The following SHCBP1L variants were observed in gnomAD, a reference collection of about 807,000 sequenced individuals.
SHCBP1L encodes testicular spindle-associated protein SHCBP1L.
A neutral mutation model predicts 62.5 loss-of-function variants in SHCBP1L; 67 were observed. The ratio of observed to expected loss-of-function variants is 1.07; its 90% CI spans 0.88 to 1.31. The LOEUF is 1.31. SHCBP1L is among the 40% of genes most tolerant of loss of function. SHCBP1L has a pLI of 0.00. For synonymous variants in SHCBP1L, 284 were observed against 289.4 expected (o/e 0.98, Z 0.19); for missense variants, 823 against 809.8 (o/e 1.02, Z -0.20).
intron 5 of SHCBP1L, among the ~76,000 whole-genome samples, chr1:182,936,618 A>G (rs1288947548): frequency 1.3e-5 from 2 of 152,252 alleles, no homozygotes; most frequent in Non-Finnish European, 2.9e-5. Flanking sequence ...CAGATACCAT[A>G]TAACAGAGTA....
intron 7 of SHCBP1L, among the ~76,000 whole-genome samples, chr1:182,904,710 C>G (rs1489598574): frequency 6.6e-6 from 1 of 152,050 alleles, no homozygotes; most frequent in Non-Finnish European, 1.5e-5. Context: ...TGCCCAGCTT[C>G]ACATATTTTT....
At chr1:182,913,077 G>C (rs545459640) in intron 6 of SHCBP1L, among the ~76,000 whole-genome samples, 26 of 151,920 alleles carry the variant, frequency 1.7e-4, no homozygotes, top group African/African-American at 6.0e-4. Context: ...GGAGGTTACA[G>C]TGAGCCGAGA....
intron 6 of SHCBP1L, among the ~76,000 whole-genome samples, chr1:182,908,093 A>G (rs1350800779): frequency 6.6e-6 from 1 of 152,138 alleles, no homozygotes; most frequent in Non-Finnish European, 1.5e-5. Context: ...TTTTGTCATT[A>G]TATCACCTTC....
At chr1:182,948,160 G>T (rs951883932) in intron 2 of SHCBP1L, among the ~76,000 whole-genome samples, 1 of 152,126 alleles carries the variant, frequency 6.6e-6, no homozygotes. Context: ...ACGGATTTTT[G>T]ACTGTGCAGG....
intron 6 of SHCBP1L, 53 bp downstream of exon 6, chr1:182,929,594 C>G: frequency 8.1e-7 from 1 of 1,231,738 alleles, no homozygotes; most frequent in Non-Finnish European, 1.1e-6. Flanking sequence ...GCTTCTTTTC[C>G]GATTATACAC....
rs532631467 is a variant in SHCBP1L at position 182,932,988 on chromosome 1, C to A, written c.1077-3236G>T. The stretch of plus-strand genomic sequence containing the variant: ...TGGTGCGATCTCAGCTCACTGCAAC[C>A]TCTGCCTCCCAGGTTCGAGCAATTC... On this transcript the variant is annotated intron_variant, in intron 5 of 9. Coordinates refer to ENST00000367547, the MANE Select transcript of SHCBP1L (RefSeq NM_030933.4). 8.3e-4 allele frequency among the ~76,000 whole-genome samples: 127 copies of A among 152,228 alleles called. 2 individuals carry two copies. Among genetic ancestry groups the A allele is most frequent in the African/African-American group, 2.9e-3 (120 of 41,538 alleles).
chr1:182,953,091 G>A lies in SHCBP1L; in HGVS notation c.43C>T (p.Arg15Cys), dbSNP rs375295609. 3.8e-6 allele frequency: 6 copies of A among 1,568,802 alleles called. No individual in the cohort carries two copies. The African/African-American group carries it at 8.1e-5, about 21-fold the overall frequency. The change falls in exon 1 of 10, where the codon CGC (arginine) becomes TGC (cysteine). Residue 15 changes from arginine (R) to cysteine (C), a missense_variant. Transcript: ENST00000367547. Reference protein sequence around the residue: ...SKASVPADSFRTISPDRRGEK... With the variant: ...SKASVPADSFCTISPDRRGEK... ...CCTCGCCTGTCCGGGCTGATGGTGC[G>A]GAATGAGTCCGCGGGCACCGAGGCC...
At chr1:182,915,161 C>CA (rs371432299) in intron 6 of SHCBP1L, among the ~76,000 whole-genome samples, 1,501 of 31,808 alleles carry the variant, frequency 0.047, 454 homozygotes, top group Non-Finnish European at 0.075. Context: ...GACTCTGTCT[C>CA]AAAAAAAAAA....
intron 6 of SHCBP1L, among the ~76,000 whole-genome samples, chr1:182,917,368 C>T (rs1344672382): frequency 6.6e-6 from 1 of 152,082 alleles, no homozygotes; most frequent in Non-Finnish European, 1.5e-5. Flanking sequence ...AAATAAATTA[C>T]ACAATAATCT....
intron 2 of SHCBP1L, among the ~76,000 whole-genome samples, chr1:182,944,115 C>A (rs1054930455): frequency 2.4e-5 from 1 of 41,254 alleles, no homozygotes; most frequent in Non-Finnish European, 3.7e-5. Flanking sequence ...AGCAAGACTA[C>A]TTCTCAAAAT....
chr1:182,946,882 A>G (rs1040705570), intron 2 of SHCBP1L, among the ~76,000 whole-genome samples: 13 of 152,210 alleles, frequency 8.5e-5, no homozygotes, highest in Admixed American at 3.3e-4. Context: ...GCTGTTTTAC[A>G]CGTTGATGTT....
intron 5 of SHCBP1L, among the ~76,000 whole-genome samples, chr1:182,930,653 ATGTGTGTGTGTGTGTGTG>A (rs1182783771): frequency 0.035 from 869 of 24,710 alleles, 40 homozygotes; most frequent in Middle Eastern, 0.2. Flanking sequence ...CCTGGAGTAT[ATGTGTGTGTGTGTGTGTG>A]TGTGTGTGTG....
At chr1:182,924,772 GAAA>G (rs1650648057) in intron 6 of SHCBP1L, among the ~76,000 whole-genome samples, 4 of 92,966 alleles carry the variant, frequency 4.3e-5, no homozygotes, top group South Asian at 8.7e-4. Context: ...AAGAAAGAAA[GAAA>G]GAAAGAAAGA....
chr1:182,929,177 G>A (rs994449388), intron 6 of SHCBP1L, among the ~76,000 whole-genome samples: 10 of 152,138 alleles, frequency 6.6e-5, no homozygotes, highest in Non-Finnish European at 4.4e-5. Flanking sequence ...GGATTCAGCT[G>A]AGTTATTTCT....
In SHCBP1L at chr1:182,912,397, A is replaced by G. The variant is rs1322900418; in HGVS notation, c.1183-6748T>C. On this transcript the variant is annotated intron_variant, in intron 6 of 9. Transcript: ENST00000367547. Reference sequence around the variant, plus strand: ...AAACCCAAGAGGACTAGGTTCAGAGAGCCTTCAGAAAGCTGACCTCATAAC... The same window carrying G: ...AAACCCAAGAGGACTAGGTTCAGAGGGCCTTCAGAAAGCTGACCTCATAAC... Among the ~76,000 whole-genome samples the G allele has an allele frequency of 2.6e-5, 4 of 152,244 alleles. No homozygotes were observed. The East Asian group carries it at 7.7e-4, about 29-fold the overall frequency.
intron 5 of SHCBP1L, among the ~76,000 whole-genome samples, chr1:182,933,094 C>T (rs536235703): frequency 1.3e-4 from 20 of 151,618 alleles, no homozygotes; most frequent in African/African-American, 4.4e-4. Flanking sequence ...TTAGTAGAGA[C>T]GGGGTTTCAC....
At chr1:182,913,532 T>C (rs1446302898) in intron 6 of SHCBP1L, among the ~76,000 whole-genome samples, 2 of 152,182 alleles carry the variant, frequency 1.3e-5, no homozygotes, top group African/African-American at 4.8e-5. Context: ...AGTGTTTTCC[T>C]AACAAAGGCA....
chr1:182,914,555 C>T (rs1419261457), intron 6 of SHCBP1L, among the ~76,000 whole-genome samples: 4 of 152,010 alleles, frequency 2.6e-5, no homozygotes, highest in African/African-American at 9.7e-5. Flanking sequence ...AATTCAAACT[C>T]AATCGTTATA....
chr1:182,940,410 C>T lies in SHCBP1L; in HGVS notation c.689G>A (p.Ser230Asn), dbSNP rs1326866231. 6.2e-7 allele frequency: 1 copy of T among 1,614,046 alleles called. No homozygotes were observed. The highest frequency in any genetic ancestry group is 1.7e-5 in the Admixed American group (1 of 60,022). The change falls in exon 3 of 10, where the codon AGT (serine) becomes AAT (asparagine). Residue 230 changes from serine (S) to asparagine (N), a missense_variant. Physicochemically the swap from Ser to Asn is conservative, Grantham distance 46 (BLOSUM62 1). Transcript: ENST00000367547. ...VDEILEELEH[S>N]VPLLEVYPVE... is the part of the protein sequence containing the mutation. ...AGGATACACTTCCAAAAGAGGCACA[C>T]TGTGTTCCAGTTCCTCCAAAATCTC...
Sources: allele counts gnomAD v4.1 joint callset (sites outside exome capture counted in the v4.1 genomes callset), GRCh38; gene constraint gnomAD v4.1.1; transcripts MANE v1.5; gene names NCBI Gene and HGNC (gene_info 2026-07-23, HGNC 2026-07-21).